CCSER1: variants seen among roughly 807,000 people sequenced by gnomAD.
The protein encoded by CCSER1 is coiled-coil serine rich protein 1.
In CCSER1, 41 loss-of-function variants were observed where a neutral mutation model predicts 82.0. The ratio of observed to expected loss-of-function variants is 0.50; its 90% confidence interval spans 0.39 to 0.65. CCSER1 has a LOEUF of 0.65. Ranked by LOEUF, CCSER1 falls within the 30% of genes least tolerant of loss-of-function variation. The pLI, the probability that CCSER1 is intolerant of heterozygous loss-of-function variation, is 0.00. For synonymous variants in CCSER1, 414 were observed against 383.9 expected (o/e 1.08, Z -0.92); for missense variants, 1,119 against 1,064.2 (o/e 1.05, Z -0.72).
Position 90,932,974 on chromosome 4 carries a change from GA to G in CCSER1, c.2172+9530del, listed in dbSNP as rs1491368405. ...AGAAAGAAAGAAAGAAAGAAAGAAAGAAAGAAAGAGAAAGAAAGAAAGAAAG... is the reference window on the plus strand; with the variant it reads ...AGAAAGAAAGAAAGAAAGAAAGAAAGAAGAAAGAGAAAGAAAGAAAGAAAG... On this transcript the variant is annotated intron_variant, in intron 9 of 10. Coordinates refer to ENST00000509176, the MANE Select transcript of CCSER1 (RefSeq NM_001145065.2). Among the ~76,000 whole-genome samples the G allele has an allele frequency of 4.9e-4, 15 of 30,488 alleles. 4 individuals are homozygous for G. The highest frequency in any genetic ancestry group is 6.8e-4 in the Admixed American group (2 of 2,940). The allele number at this position is 30,488 out of a possible 152,430, so 20.0% of individuals were successfully genotyped here. A position where few individuals can be genotyped will look rare whatever the true frequency, so the allele number is the denominator to read the frequency against.
intron 6 of CCSER1, among the ~76,000 whole-genome samples, chr4:90,707,989 A>ATTTCAG (rs1446234342): frequency 2.6e-5 from 4 of 152,156 alleles, no homozygotes; most frequent in African/African-American, 9.7e-5. Flanking sequence ...CTTTCCTTTC[A>ATTTCAG]TTTCAGTGCT....
intron 5 of CCSER1, among the ~76,000 whole-genome samples, chr4:90,549,948 G>C (rs1049422162): frequency 3.3e-5 from 5 of 152,048 alleles, no homozygotes; most frequent in African/African-American, 1.2e-4. Flanking sequence ...GGAAAGGAAA[G>C]AGTCAAAAAA....
chr4:90,427,286 G>T (rs1757655939), intron 4 of CCSER1, among the ~76,000 whole-genome samples: 1 of 151,832 alleles, frequency 6.6e-6, no homozygotes, highest in South Asian at 2.1e-4. Context: ...TTTAGGAAAA[G>T]AAGAGACATT....
chr4:90,751,492 C>T (rs896765546), intron 7 of CCSER1, among the ~76,000 whole-genome samples: 5 of 151,740 alleles, frequency 3.3e-5, no homozygotes, highest in Admixed American at 2.0e-4. Flanking sequence ...TCAAGAGCTC[C>T]TTGAGGGAAA....
intron 6 of CCSER1, among the ~76,000 whole-genome samples, chr4:90,635,672 A>G (rs1725292834): frequency 6.6e-6 from 1 of 151,888 alleles, no homozygotes; most frequent in Admixed American, 6.6e-5. Context: ...GGATACAAAA[A>G]AACAGTTGAA....
At position 91,516,196 on chromosome 4, in the gene CCSER1, G is replaced by A. The variant is rs1760110871; in HGVS notation, c.2218-82376G>A. Among the ~76,000 whole-genome samples the A allele has an allele frequency of 3.3e-5, 5 of 152,098 alleles. No individual in the cohort carries two copies. In the South Asian group the frequency reaches 1.0e-3, roughly 31 times the overall value. On this transcript the variant is annotated intron_variant, in intron 10 of 10. Coordinates refer to ENST00000509176, the MANE Select transcript of CCSER1 (RefSeq NM_001145065.2). Reference sequence around the variant, plus strand: ...AGTTGACAGTTTCTTTTGCTGTGCAGAAGCTCTTAAGTTTAATTAGATCTC... The same window carrying A: ...AGTTGACAGTTTCTTTTGCTGTGCAAAAGCTCTTAAGTTTAATTAGATCTC...
At chr4:90,238,931 A>G (rs760543771) in intron 1 of CCSER1, among the ~76,000 whole-genome samples, 1 of 151,866 alleles carries the variant, frequency 6.6e-6, no homozygotes, top group South Asian at 2.1e-4. Flanking sequence ...GCTCATTGCA[A>G]TCTCCATCTC....
intron 8 of CCSER1, among the ~76,000 whole-genome samples, chr4:90,828,795 T>C (rs547124814): frequency 6.6e-6 from 1 of 152,238 alleles, no homozygotes; most frequent in South Asian, 2.1e-4. Context: ...TTAGTAAATA[T>C]TTGAAGGAAT....
chr4:90,874,329 C>G (rs1384492620), intron 8 of CCSER1, among the ~76,000 whole-genome samples: 1 of 152,064 alleles, frequency 6.6e-6, no homozygotes, highest in Non-Finnish European at 1.5e-5. Flanking sequence ...GCACATAAAG[C>G]TAGTGGCCAT....
chr4:91,193,277 T>C (rs1251101857), intron 10 of CCSER1, among the ~76,000 whole-genome samples: 1 of 152,184 alleles, frequency 6.6e-6, no homozygotes, highest in Admixed American at 6.5e-5. Flanking sequence ...CCCACAATGA[T>C]TTGGTTCCAT....
chr4:90,953,125 A>G (rs1733084673), intron 9 of CCSER1, among the ~76,000 whole-genome samples: 1 of 151,980 alleles, frequency 6.6e-6, no homozygotes, highest in Non-Finnish European at 1.5e-5. Flanking sequence ...TTTGACATCC[A>G]TGTGTTATGT....
intron 6 of CCSER1, among the ~76,000 whole-genome samples, chr4:90,712,622 G>A (rs1280586528): frequency 6.6e-6 from 1 of 151,628 alleles, no homozygotes; most frequent in Non-Finnish European, 1.5e-5. Context: ...GTTGTTTTGG[G>A]GTGGAGAGTT....
At chr4:90,558,268 TA>T (rs1223843355) in intron 5 of CCSER1, among the ~76,000 whole-genome samples, 2 of 152,186 alleles carry the variant, frequency 1.3e-5, no homozygotes, top group Admixed American at 1.3e-4. Flanking sequence ...ATATTCTTTA[TA>T]AAAACAATTA....
chr4:91,067,259 G>C (rs1232849231), intron 9 of CCSER1, among the ~76,000 whole-genome samples: 2 of 152,020 alleles, frequency 1.3e-5, no homozygotes, highest in Non-Finnish European at 2.9e-5. Context: ...AAGGCTGGTG[G>C]ATTGGTAAAA....
chr4:90,455,849 C>G (rs1762097597), intron 4 of CCSER1, among the ~76,000 whole-genome samples: 2 of 152,308 alleles, frequency 1.3e-5, no homozygotes, highest in Non-Finnish European at 2.9e-5. Flanking sequence ...AGGAGTTAGT[C>G]ATGCTCACCT....
chr4:91,007,903 C>CTT (rs1738663297), intron 9 of CCSER1, among the ~76,000 whole-genome samples: 5 of 152,012 alleles, frequency 3.3e-5, no homozygotes, highest in African/African-American at 1.2e-4. Context: ...TTGAGTACTG[C>CTT]TTTTGCTGTA....
At chr4:91,102,557 A>T (rs1182793031) in intron 10 of CCSER1, among the ~76,000 whole-genome samples, 2 of 152,244 alleles carry the variant, frequency 1.3e-5, no homozygotes, top group Non-Finnish European at 2.9e-5. Flanking sequence ...ATCAATATGC[A>T]TTTAGATGTC....
At chr4:90,806,678 A>G (rs1284853128) in intron 7 of CCSER1, among the ~76,000 whole-genome samples, 4 of 152,246 alleles carry the variant, frequency 2.6e-5, no homozygotes, top group South Asian at 4.1e-4. Context: ...GCTGAGATCT[A>G]GCTATTCATG....
At chr4:91,108,823 C>T (rs1301973989) in intron 10 of CCSER1, among the ~76,000 whole-genome samples, 3 of 152,098 alleles carry the variant, frequency 2.0e-5, no homozygotes, top group East Asian at 1.9e-4. Flanking sequence ...TCAAGGAATA[C>T]GAAGATAGCT....
Sources: gnomAD v4.1 joint callset for allele counts (sites outside exome capture counted in the v4.1 genomes callset) on GRCh38, gnomAD v4.1.1 for gene constraint, MANE v1.5 for transcripts, NCBI Gene and HGNC (gene_info 2026-07-23, HGNC 2026-07-21) for gene names.